ACOXL: variants seen among roughly 807,000 people sequenced by gnomAD.
ACOXL encodes acyl-coenzyme A oxidase-like protein.
A neutral mutation model predicts 71.9 loss-of-function variants in ACOXL; 70 were observed. The ratio of observed to expected loss-of-function variants is 0.97; its 90% CI spans 0.80 to 1.19. ACOXL has a LOEUF of 1.19. Among genes scored for constraint, ACOXL ranks in the 50% most tolerant of loss-of-function variants. The pLI is 0.00. For missense variants in ACOXL, 703 were observed against 736.3 expected (o/e 0.95, Z 0.52); for synonymous variants, 253 against 281.6 (o/e 0.90, Z 1.02).
rs1225720508 is a variant in ACOXL, at chr2:110,996,015, A to C, written c.1281+11A>C. Reference sequence around the variant, plus strand: ...AGAATTTATTATAAGGTAAAGATACACTGTGTTATATTTTTCCTTTTGACA... The same window carrying C: ...AGAATTTATTATAAGGTAAAGATACCCTGTGTTATATTTTTCCTTTTGACA... On this transcript the variant is annotated intron_variant, in intron 14 of 17. Transcript: ENST00000439055. The C allele has an allele frequency of 6.3e-7, 1 of 1,575,292 alleles. No individual in the cohort carries two copies. The highest frequency in any genetic ancestry group is 2.2e-5 in the East Asian group (1 of 44,770).
intron 2 of ACOXL, among the ~76,000 whole-genome samples, chr2:110,780,922 CAAG>C (rs1177903222): frequency 6.6e-6 from 1 of 151,944 alleles, no homozygotes; most frequent in African/African-American, 2.4e-5. Flanking sequence ...CCCAGCTACT[CAAG>C]AGGCTGAGGC....
intron 1 of ACOXL, among the ~76,000 whole-genome samples, chr2:110,740,638 AC>A (rs1480213357): frequency 2.6e-5 from 4 of 152,336 alleles, no homozygotes; most frequent in Admixed American, 2.0e-4. Flanking sequence ...GTATTTGTAA[AC>A]TTGAATGTTA....
chr2:110,938,511 A>T (rs1362753971), intron 12 of ACOXL, among the ~76,000 whole-genome samples: 3 of 152,216 alleles, frequency 2.0e-5, no homozygotes, highest in African/African-American at 7.2e-5. Context: ...CCATTTTACA[A>T]ATGAGTAAAC....
At chr2:110,989,537 T>G (rs2063082422) in intron 13 of ACOXL, among the ~76,000 whole-genome samples, 1 of 152,240 alleles carries the variant, frequency 6.6e-6, no homozygotes, top group African/African-American at 2.4e-5. Flanking sequence ...ATTGTAGGAT[T>G]GTACTTACAT....
intron 1 of ACOXL, among the ~76,000 whole-genome samples, chr2:110,756,856 TA>T (rs1389122962): frequency 1.3e-5 from 2 of 152,152 alleles, no homozygotes; most frequent in East Asian, 1.9e-4. Flanking sequence ...CACATCTTTT[TA>T]AAAAAAATTT....
intron 16 of ACOXL, among the ~76,000 whole-genome samples, chr2:111,055,073 T>G (rs2066467464): frequency 6.6e-6 from 1 of 152,164 alleles, no homozygotes; most frequent in South Asian, 2.1e-4. Flanking sequence ...CTTCCAAAGT[T>G]CTCCTCCTCA....
chr2:111,110,231 A>C (rs2069849753), intron 17 of ACOXL, among the ~76,000 whole-genome samples: 1 of 152,154 alleles, frequency 6.6e-6, no homozygotes, highest in African/African-American at 2.4e-5. Flanking sequence ...AGTCATTAAG[A>C]TTCCTCCTAG....
At chr2:110,973,664 G>A (rs2062315944) in intron 12 of ACOXL, among the ~76,000 whole-genome samples, 1 of 152,132 alleles carries the variant, frequency 6.6e-6, no homozygotes, top group Non-Finnish European at 1.5e-5. Context: ...AGTGGACACA[G>A]CTGGAGGTGG....
intron 9 of ACOXL, among the ~76,000 whole-genome samples, chr2:110,819,289 T>A (rs149360600): frequency 2.0e-5 from 3 of 152,310 alleles, no homozygotes; most frequent in Admixed American, 2.0e-4. Flanking sequence ...AATAGGGGGC[T>A]ACTGGAGGCT....
chr2:111,050,529 G>A (rs1458305386), intron 16 of ACOXL, among the ~76,000 whole-genome samples: 1 of 152,194 alleles, frequency 6.6e-6, no homozygotes, highest in Non-Finnish European at 1.5e-5. Context: ...TTGGGCCCTG[G>A]ATGCTCACCT....
At chr2:110,788,008 A>G (rs1469406375) in intron 3 of ACOXL, among the ~76,000 whole-genome samples, 1 of 152,216 alleles carries the variant, frequency 6.6e-6, no homozygotes, top group African/African-American at 2.4e-5. Flanking sequence ...TATAACCCCT[A>G]CATTCTTGGT....
chr2:110,794,206 G>GA, intron 5 of ACOXL, 32 bp downstream of exon 5: 1 of 1,603,208 alleles, frequency 6.2e-7, no homozygotes, highest in Non-Finnish European at 8.5e-7. Context: ...TGCCGTGCAG[G>GA]GGAGCTGGAA....
Position 111,117,921 on chromosome 2 carries a change from G to A in ACOXL, c.*105G>A, listed in dbSNP as rs1218473860. On this transcript the variant is annotated 3_prime_UTR_variant, in exon 18 of 18. Coordinates refer to ENST00000439055, the MANE Select transcript of ACOXL (RefSeq NM_001142807.4). ...GCCGGGGGCTGGCACCCGCTGGGCC[G>A]CCACTCTCGGGGATTTTGGTGGCAA... The A allele has an allele frequency of 3.0e-6, 4 of 1,312,828 alleles. No individual in the cohort carries two copies. Among genetic ancestry groups the A allele is most frequent in the Admixed American group, 2.5e-5 (1 of 39,648 alleles). The allele number at this position is 1,312,828 out of a possible 1,614,324, so 81.3% of individuals were successfully genotyped here. A position where few individuals can be genotyped will look rare whatever the true frequency, so the allele number is the denominator to read the frequency against.
chr2:111,032,420 C>T (rs754870594), intron 15 of ACOXL, among the ~76,000 whole-genome samples: 9 of 152,130 alleles, frequency 5.9e-5, no homozygotes, highest in Non-Finnish European at 1.0e-4. Context: ...TTCATTTTGG[C>T]TTCAGTCGAC....
intron 13 of ACOXL, among the ~76,000 whole-genome samples, chr2:110,988,251 A>C (rs1002122155): frequency 2.6e-5 from 4 of 152,176 alleles, no homozygotes; most frequent in Admixed American, 2.6e-4. Context: ...CAGCCTGGGC[A>C]ATATGGTGAG....
At chr2:110,815,165 A>T (rs1422594754) in intron 9 of ACOXL, among the ~76,000 whole-genome samples, 1 of 152,216 alleles carries the variant, frequency 6.6e-6, no homozygotes, top group East Asian at 1.9e-4. Context: ...AAAGCCCCTT[A>T]TAAAACCATC....
chr2:111,018,790 A>G (rs1206965367), intron 14 of ACOXL, among the ~76,000 whole-genome samples: 1 of 152,104 alleles, frequency 6.6e-6, no homozygotes, highest in Non-Finnish European at 1.5e-5. Context: ...AGAGGATGCC[A>G]TAGTGGAGTT....
chr2:111,018,708 T>G (rs1574498393), intron 14 of ACOXL, among the ~76,000 whole-genome samples: 2 of 134,732 alleles, frequency 1.5e-5, no homozygotes. Context: ...GCAGAGAGGC[T>G]GGAGGGGGTG....
chr2:110,880,997 TTTTC>T (rs1696567660), intron 10 of ACOXL, among the ~76,000 whole-genome samples: 1 of 152,214 alleles, frequency 6.6e-6, no homozygotes, highest in Non-Finnish European at 1.5e-5. Context: ...ATCTCCGAAT[TTTTC>T]TTTCTAAAAT....
Sources: gnomAD v4.1 joint callset for allele counts (sites outside exome capture counted in the v4.1 genomes callset) on GRCh38, gnomAD v4.1.1 for gene constraint, MANE v1.5 for transcripts, NCBI Gene and HGNC (gene_info 2026-07-23, HGNC 2026-07-21) for gene names.